Variants in CTNNA3 observed in about 807,000 individuals in gnomAD.
The protein encoded by CTNNA3 is catenin alpha-3.
Under a neutral mutation model 95.7 loss-of-function variants are expected in CTNNA3, and 76 were observed. The observed-to-expected ratio is 0.79, with a 90% CI of 0.66 to 0.96. CTNNA3 has a LOEUF of 0.96. Among genes scored for constraint, CTNNA3 ranks in the 40% least tolerant of loss-of-function variants. The probability of loss-of-function intolerance (pLI) is 0.00; values close to 1 mark genes in which losing one functional copy is unlikely to be tolerated. For missense variants in CTNNA3, 1,191 were observed against 1,089.8 expected (o/e 1.09, Z -1.31); for synonymous variants, 431 against 374.4 (o/e 1.15, Z -1.74).
At chr10:66,458,507 C>T (rs2093509051) in intron 11 of CTNNA3, among the ~76,000 whole-genome samples, 1 of 152,118 alleles carries the variant, frequency 6.6e-6, no homozygotes, top group Non-Finnish European at 1.5e-5. Flanking sequence ...TGTTTCACAA[C>T]CATCATTTCT....
chr10:67,079,344 C>T (rs1458245973), intron 7 of CTNNA3, among the ~76,000 whole-genome samples: 3 of 152,188 alleles, frequency 2.0e-5, no homozygotes, highest in African/African-American at 7.2e-5. Flanking sequence ...TTCTCTGCCA[C>T]AGTTGCAGAA....
rs552758448 is a variant in CTNNA3 at position 67,403,864 on chromosome 10, G to T, written c.579+117978C>A. On this transcript the variant is annotated intron_variant, in intron 5 of 17. Transcript: ENST00000433211. ...ACAGAGCTCTGAGAGGAAGGGGCAGGCTGCCATCTTTGCTGTTTTGCAGCC... is the reference window on the plus strand; with the variant it reads ...ACAGAGCTCTGAGAGGAAGGGGCAGTCTGCCATCTTTGCTGTTTTGCAGCC... Among the ~76,000 whole-genome samples, 4 of 152,304 alleles carry T rather than the reference G, an allele frequency of 2.6e-5. No homozygotes were observed. The South Asian group carries it at 8.3e-4, about 32-fold the overall frequency.
intron 5 of CTNNA3, among the ~76,000 whole-genome samples, chr10:67,273,316 C>T (rs1219907539): frequency 6.6e-6 from 1 of 152,004 alleles, no homozygotes; most frequent in African/African-American, 2.4e-5. Context: ...ACTATGTTAA[C>T]AGACACTTAC....
chr10:66,657,833 G>A lies in CTNNA3; in HGVS notation c.1282-36049C>T, dbSNP rs554843304. On this transcript the variant is annotated intron_variant, in intron 9 of 17. Coordinates refer to ENST00000433211, the MANE Select transcript of CTNNA3 (RefSeq NM_013266.4). ...TGCTTCAAATTATTACAAAGCTACC[G>A]TATGGGAAGGCAGTCGTGCAATTAA... Among the ~76,000 whole-genome samples, 8 of 152,130 alleles carry A rather than the reference G, an allele frequency of 5.3e-5. 1 individual carries two copies. The highest frequency in any genetic ancestry group is 7.3e-5 in the Non-Finnish European group (5 of 68,030).
At chr10:67,138,498 A>G (rs927158173) in intron 7 of CTNNA3, among the ~76,000 whole-genome samples, 1 of 152,184 alleles carries the variant, frequency 6.6e-6, no homozygotes, top group Non-Finnish European at 1.5e-5. Context: ...AATATTTCTT[A>G]ATCAGTTTTA....
intron 5 of CTNNA3, among the ~76,000 whole-genome samples, chr10:67,507,135 G>C (rs1589370763): frequency 6.6e-6 from 1 of 152,110 alleles, no homozygotes; most frequent in African/African-American, 2.4e-5. Flanking sequence ...GCAAGAAATT[G>C]GATAACTTAG....
At chr10:66,271,326 G>A (rs1039906034) in intron 13 of CTNNA3, among the ~76,000 whole-genome samples, 2 of 152,132 alleles carry the variant, frequency 1.3e-5, no homozygotes, top group African/African-American at 4.8e-5. Flanking sequence ...CCAGAAGGCT[G>A]ATTCAACTCT....
chr10:66,446,333 C>T (rs1220213358), intron 11 of CTNNA3, among the ~76,000 whole-genome samples: 4 of 152,034 alleles, frequency 2.6e-5, no homozygotes, highest in Non-Finnish European at 5.9e-5. Flanking sequence ...ATGAGGCCAG[C>T]ATCATCCTGA....
chr10:66,129,552 G>A (rs1214783565), intron 13 of CTNNA3, among the ~76,000 whole-genome samples: 3 of 152,114 alleles, frequency 2.0e-5, no homozygotes, highest in South Asian at 4.1e-4. Context: ...ACTGTTGAAC[G>A]TGAACTCTGC....
At chr10:66,504,068 T>C (rs72791589) in intron 11 of CTNNA3, among the ~76,000 whole-genome samples, 23,095 of 152,030 alleles carry the variant, frequency 0.15, 1,809 homozygotes, top group Non-Finnish European at 0.17. Flanking sequence ...TGAGAACATT[T>C]ACTTGTTCTC....
At chr10:67,093,513 A>C (rs2131918371) in intron 7 of CTNNA3, among the ~76,000 whole-genome samples, 1 of 152,050 alleles carries the variant, frequency 6.6e-6, no homozygotes, top group South Asian at 2.1e-4. Flanking sequence ...TTATGTGAAG[A>C]GAATGGAATT....
chr10:66,504,190 C>A (rs1840373449), intron 11 of CTNNA3, among the ~76,000 whole-genome samples: 1 of 152,054 alleles, frequency 6.6e-6, no homozygotes, highest in African/African-American at 2.4e-5. Context: ...ATCCTTTAAC[C>A]AACATCTCCC....
chr10:67,097,433 G>A (rs1014155843), intron 7 of CTNNA3, among the ~76,000 whole-genome samples: 2 of 151,830 alleles, frequency 1.3e-5, no homozygotes, highest in Admixed American at 1.3e-4. Flanking sequence ...TATAGGAATA[G>A]GGGGCATTAG....
intron 5 of CTNNA3, among the ~76,000 whole-genome samples, chr10:67,516,340 C>T (rs1839811744): frequency 6.6e-6 from 1 of 152,084 alleles, no homozygotes; most frequent in African/African-American, 2.4e-5. Context: ...GCTATAAGTC[C>T]TTACATGATT....
At chr10:67,382,475 G>C (rs149094866) in intron 5 of CTNNA3, among the ~76,000 whole-genome samples, 45 of 152,250 alleles carry the variant, frequency 3.0e-4, no homozygotes, top group Middle Eastern at 3.4e-3. Context: ...TCATGTGATA[G>C]AAATTATATT....
intron 6 of CTNNA3, among the ~76,000 whole-genome samples, chr10:67,187,534 CTCTT>C (rs145851702): frequency 0.022 from 3,345 of 152,000 alleles, 88 homozygotes; most frequent in African/African-American, 0.072. Context: ...TTCTTTCTCT[CTCTT>C]TATCTCTCTC....
chr10:66,173,185 A>G (rs1187550397), intron 13 of CTNNA3, among the ~76,000 whole-genome samples: 1 of 152,214 alleles, frequency 6.6e-6, no homozygotes, highest in Non-Finnish European at 1.5e-5. Context: ...AACATTTACC[A>G]TGATAAGTGA....
intron 7 of CTNNA3, among the ~76,000 whole-genome samples, chr10:66,974,713 G>A (rs1231751402): frequency 6.6e-6 from 1 of 151,872 alleles, no homozygotes; most frequent in East Asian, 1.9e-4. Flanking sequence ...ATTTTAATGA[G>A]CAGGAAGTTA....
At chr10:67,638,121 C>G (rs1839389063) in intron 2 of CTNNA3, among the ~76,000 whole-genome samples, 1 of 152,156 alleles carries the variant, frequency 6.6e-6, no homozygotes, top group Non-Finnish European at 1.5e-5. Flanking sequence ...GGAAACCCAT[C>G]TCACGTGCAG....
Sources: gnomAD v4.1 joint callset for allele counts (sites outside exome capture counted in the v4.1 genomes callset) on GRCh38, gnomAD v4.1.1 for gene constraint, MANE v1.5 for transcripts, NCBI Gene and HGNC (gene_info 2026-07-23, HGNC 2026-07-21) for gene names.